The following ASTN2 variants were observed in gnomAD, a reference collection of about 807,000 sequenced individuals.
The protein encoded by ASTN2 is astrotactin-2.
In ASTN2, 54 loss-of-function variants were observed where a neutral mutation model predicts 139.8. The observed-to-expected ratio is 0.39, with a 90% CI of 0.31 to 0.48. The LOEUF (loss-of-function observed/expected upper bound fraction) is 0.48, where lower values mean the gene tolerates loss of function less well. Ranked by LOEUF, ASTN2 falls within the 20% of genes least tolerant of loss-of-function variation. The probability of loss-of-function intolerance (pLI) is 0.95; values close to 1 mark genes in which losing one functional copy is unlikely to be tolerated. For synonymous variants in ASTN2, 756 were observed against 719.5 expected (o/e 1.05, Z -0.81); for missense variants, 1,565 against 1,725.1 (o/e 0.91, Z 1.64).
chr9:116,851,027 G>A (rs925955322), intron 11 of ASTN2, among the ~76,000 whole-genome samples: 19 of 152,138 alleles, frequency 1.2e-4, no homozygotes, highest in African/African-American at 4.6e-4. Context: ...GCCCAGAAGA[G>A]GGTCTTACAC....
At chr9:117,185,798 C>T (rs1358928395) in intron 3 of ASTN2, among the ~76,000 whole-genome samples, 1 of 152,002 alleles carries the variant, frequency 6.6e-6, no homozygotes, top group East Asian at 1.9e-4. Context: ...GAGGTTATTT[C>T]CAGGTGGGAG....
chr9:116,755,771 G>A (rs184523456), intron 13 of ASTN2, among the ~76,000 whole-genome samples: 1 of 152,300 alleles, frequency 6.6e-6, no homozygotes, highest in East Asian at 1.9e-4. Context: ...TATCTGGGTT[G>A]GCCCTAAGCG....
At chr9:117,207,184 G>A (rs1831955846) in intron 3 of ASTN2, among the ~76,000 whole-genome samples, 1 of 152,184 alleles carries the variant, frequency 6.6e-6, no homozygotes, top group Admixed American at 6.5e-5. Flanking sequence ...TTATATTCCA[G>A]ACCTGAGAAA....
At chr9:117,148,789 C>T (rs887529072) in intron 3 of ASTN2, among the ~76,000 whole-genome samples, 5 of 152,090 alleles carry the variant, frequency 3.3e-5, no homozygotes, top group Admixed American at 1.3e-4. Flanking sequence ...TGGAGTAAAG[C>T]AGAACATTCT....
At chr9:116,696,323 C>G (rs1036154248) in intron 16 of ASTN2, among the ~76,000 whole-genome samples, 1 of 152,194 alleles carries the variant, frequency 6.6e-6, no homozygotes, top group Non-Finnish European at 1.5e-5. Flanking sequence ...GGTGCAGAGC[C>G]AAATCTTAGC....
intron 16 of ASTN2, among the ~76,000 whole-genome samples, chr9:116,707,087 G>A (rs1364770961): frequency 2.0e-5 from 3 of 151,634 alleles, no homozygotes; most frequent in South Asian, 4.2e-4. Flanking sequence ...TCAACCAGGT[G>A]TTGCCCTCAT....
chr9:116,754,092 G>A (rs1026279189), intron 13 of ASTN2, among the ~76,000 whole-genome samples: 4 of 150,498 alleles, frequency 2.7e-5, no homozygotes, highest in East Asian at 2.0e-4. Flanking sequence ...TTAATTTGCC[G>A]AGAATAATGG....
intron 4 of ASTN2, among the ~76,000 whole-genome samples, chr9:117,132,404 G>A (rs1829848206): frequency 7.1e-6 from 1 of 140,356 alleles, no homozygotes; most frequent in South Asian, 2.5e-4. Flanking sequence ...TGCTAACATA[G>A]CATTATTACC....
chr9:117,091,866 G>A (rs1354672000), intron 5 of ASTN2, among the ~76,000 whole-genome samples: 1 of 152,130 alleles, frequency 6.6e-6, no homozygotes, highest in Non-Finnish European at 1.5e-5. Flanking sequence ...TGATCACTCT[G>A]GCTACATGAT....
chr9:117,087,701 C>T (rs1404124494), intron 5 of ASTN2, among the ~76,000 whole-genome samples: 2 of 152,178 alleles, frequency 1.3e-5, no homozygotes, highest in Non-Finnish European at 2.9e-5. Context: ...ATTTAATCCT[C>T]ATAACAAGCC....
chr9:117,198,776 T>A (rs1831599221), intron 3 of ASTN2, among the ~76,000 whole-genome samples: 1 of 152,190 alleles, frequency 6.6e-6, no homozygotes, highest in Admixed American at 6.5e-5. Flanking sequence ...GCATTCCTAT[T>A]TCTCCATATC....
At chr9:116,731,224 T>TAATAATAAA (rs1239777632) in intron 14 of ASTN2, among the ~76,000 whole-genome samples, 1 of 137,510 alleles carries the variant, frequency 7.3e-6, no homozygotes, top group South Asian at 2.4e-4. Context: ...ATAATAATAA[T>TAATAATAAA]AAATCTTTTG....
chr9:117,039,743 T>A, intron 6 of ASTN2, 76 bp downstream of exon 6: 1 of 1,475,494 alleles, frequency 6.8e-7, no homozygotes, highest in Non-Finnish European at 9.0e-7. Context: ...GGTTTGGCCA[T>A]ACACAGAAAC....
intron 11 of ASTN2, among the ~76,000 whole-genome samples, chr9:116,845,416 T>C (rs773252291): frequency 2.6e-5 from 4 of 152,004 alleles, no homozygotes; most frequent in Non-Finnish European, 4.4e-5. Context: ...CACCAAGAAG[T>C]AGAAAATGTG....
intron 2 of ASTN2, among the ~76,000 whole-genome samples, chr9:117,260,336 A>G (rs535058785): frequency 6.6e-6 from 1 of 152,310 alleles, no homozygotes; most frequent in Admixed American, 6.5e-5. Flanking sequence ...AACCACTGTT[A>G]TTCTTCTTCT....
chr9:117,322,565 A>G (rs1285667965), intron 1 of ASTN2, among the ~76,000 whole-genome samples: 2 of 152,218 alleles, frequency 1.3e-5, no homozygotes, highest in Non-Finnish European at 2.9e-5. Context: ...CATGGCTGAC[A>G]TTCTGCCTTT....
intron 13 of ASTN2, among the ~76,000 whole-genome samples, chr9:116,738,478 GAAAA>G (rs796987477): frequency 7.4e-6 from 1 of 136,028 alleles, no homozygotes; most frequent in African/African-American, 2.7e-5. Flanking sequence ...CATCTCAGAA[GAAAA>G]AAAAAAAAAG....
intron 19 of ASTN2, among the ~76,000 whole-genome samples, chr9:116,542,409 G>A (rs115546019): frequency 0.026 from 3,888 of 152,184 alleles, 142 homozygotes; most frequent in African/African-American, 0.081. Flanking sequence ...TGAGCAAGTT[G>A]TTTTAAAATC....
At chr9:117,364,568 A>G (rs926797457) in intron 1 of ASTN2, among the ~76,000 whole-genome samples, 3 of 152,200 alleles carry the variant, frequency 2.0e-5, no homozygotes, top group Admixed American at 2.0e-4. Context: ...ATTATTGAGG[A>G]AGATAAATAG....
Sources: gnomAD v4.1 joint callset for allele counts (sites outside exome capture counted in the v4.1 genomes callset) on GRCh38, gnomAD v4.1.1 for gene constraint, MANE v1.5 for transcripts, NCBI Gene and HGNC (gene_info 2026-07-23, HGNC 2026-07-21) for gene names.